SIM1: variants seen among roughly 807,000 people sequenced by gnomAD.
The protein encoded by SIM1 is single-minded homolog 1.
A neutral mutation model predicts 78.2 loss-of-function variants in SIM1; 18 were observed. The observed-to-expected ratio is 0.23, with a 90% CI of 0.16 to 0.34. The LOEUF is 0.34. Ranked by LOEUF, SIM1 falls within the 10% of genes least tolerant of loss-of-function variation. The pLI, the probability that SIM1 is intolerant of heterozygous loss-of-function variation, is 1.00. For missense variants in SIM1, 939 were observed against 975.1 expected, an observed-to-expected ratio of 0.96 and a Z score of 0.49; for synonymous variants, 417 against 385.2, an observed-to-expected ratio of 1.08 and a Z score of -0.97.
rs185639683 is a variant in SIM1, at chr6:100,409,018, G to A, written c.1167+11772C>T. Among the ~76,000 whole-genome samples the A allele has an allele frequency of 6.6e-5, 10 of 152,222 alleles. No individual in the cohort carries two copies. In the East Asian group the frequency reaches 1.7e-3, roughly 26 times the overall value. ...TAAGTGTTTGGTAGAATTCACCAGCGAAGTCATCTGATATTAGACTTTGTT... is the reference window on the plus strand; with the variant it reads ...TAAGTGTTTGGTAGAATTCACCAGCAAAGTCATCTGATATTAGACTTTGTT... On this transcript the variant is annotated intron_variant, in intron 10 of 11. Transcript: ENST00000369208.
rs150085955 is a variant in SIM1, at chr6:100,449,658, C to T, written c.390G>A (p.Pro130=). 3.3e-4 allele frequency: 539 copies of T among 1,614,026 alleles called. No individual in the cohort carries two copies. Among genetic ancestry groups the T allele is most frequent in the Non-Finnish European group, 4.1e-4 (487 of 1,180,036 alleles). ...TGNSIYEYIH[P]ADHDEMTAVL... ...CCGCCGTCATCTCGTCGTGGTCTGCCGGGTGAATGTATTCATAAATGCTGT... is the reference window on the plus strand; with the variant it reads ...CCGCCGTCATCTCGTCGTGGTCTGCTGGGTGAATGTATTCATAAATGCTGT... Residue 130 remains proline, a synonymous_variant, in exon 5 of 12, where the codon CCG becomes CCA. Transcript: ENST00000369208.
Position 100,463,555 on chromosome 6 carries a change from T to G in SIM1, c.-87A>C. On this transcript the variant is annotated 5_prime_UTR_variant, in exon 2 of 12. Coordinates refer to ENST00000369208, the MANE Select transcript of SIM1 (RefSeq NM_005068.3). ...ATAAACTTTCAATTAGAGATCATATTTGGCAAAAACATAAAACATACTTTG... is the reference window on the plus strand; with the variant it reads ...ATAAACTTTCAATTAGAGATCATATGTGGCAAAAACATAAAACATACTTTG... 1 of 1,309,810 alleles carries G rather than the reference T, an allele frequency of 7.6e-7. No homozygotes were observed. The highest frequency in any genetic ancestry group is 1.1e-6 in the Non-Finnish European group (1 of 942,228). The allele number at this position is 1,309,810 out of a possible 1,614,324, so 81.1% of individuals were successfully genotyped here.
Position 100,387,712 on chromosome 6 carries a change from A to AC in SIM1, c.*2648_*2649insG, listed in dbSNP as rs1770546900. Reference sequence around the variant, plus strand: ...TAGTTAATTCTGTATTCTCTTAAAAATATTGGTCATGTCATTTTAAAGAGC... The same window carrying AC: ...TAGTTAATTCTGTATTCTCTTAAAAACTATTGGTCATGTCATTTTAAAGAGC... On this transcript the variant is annotated 3_prime_UTR_variant, in exon 12 of 12. Transcript: ENST00000369208. 1 of 152,120 alleles carries AC rather than the reference A, an allele frequency of 6.6e-6. No homozygotes were observed. Among genetic ancestry groups the AC allele is most frequent in the Non-Finnish European group, 1.5e-5 (1 of 67,962 alleles). 9.4% of individuals were successfully genotyped at this position (152,120 alleles called of 1,614,324 possible). A position where few individuals can be genotyped will look rare whatever the true frequency, so the allele number is the denominator to read the frequency against.
chr6:100,425,419 A>G (rs549203844), intron 9 of SIM1, among the ~76,000 whole-genome samples: 6 of 152,288 alleles, frequency 3.9e-5, no homozygotes, highest in Middle Eastern at 3.4e-3. Flanking sequence ...AAGTTAGCAA[A>G]TGGGGACCTT....
chr6:100,428,537 CAATA>C (rs1771796102), intron 9 of SIM1, among the ~76,000 whole-genome samples: 1 of 151,964 alleles, frequency 6.6e-6, no homozygotes, highest in East Asian at 1.9e-4. Context: ...TTTTAAATGA[CAATA>C]AATCCAAATG....
intron 9 of SIM1, among the ~76,000 whole-genome samples, chr6:100,430,179 TG>T (rs1771865481): frequency 6.6e-6 from 1 of 152,262 alleles, no homozygotes; most frequent in South Asian, 2.1e-4. Context: ...AACCCTAATG[TG>T]GGGGCCACAT....
At chr6:100,418,142 C>T (rs544348868) in intron 10 of SIM1, among the ~76,000 whole-genome samples, 5 of 152,012 alleles carry the variant, frequency 3.3e-5, no homozygotes, top group African/African-American at 1.2e-4. Context: ...GAGTTCAAGA[C>T]CAGCCTGAGC....
At chr6:100,462,581 A>G (rs1772883514) in intron 2 of SIM1, 1 of 152,174 alleles carries the variant, frequency 6.6e-6, no homozygotes, top group Admixed American at 6.5e-5. Context: ...CTATTTGCCA[A>G]CCTGCCACCC....
chr6:100,435,908 T>A (rs1772033574), intron 9 of SIM1, among the ~76,000 whole-genome samples: 1 of 152,040 alleles, frequency 6.6e-6, no homozygotes, highest in African/African-American at 2.4e-5. Flanking sequence ...CCACCCTGGG[T>A]AACGTCCTTG....
chr6:100,415,217 G>A (rs933644005), intron 10 of SIM1, among the ~76,000 whole-genome samples: 2 of 152,152 alleles, frequency 1.3e-5, no homozygotes, highest in Non-Finnish European at 2.9e-5. Context: ...TTGACATGAC[G>A]AAACCATGGC....
At chr6:100,436,025 C>G (rs1288915929) in intron 9 of SIM1, among the ~76,000 whole-genome samples, 1 of 151,984 alleles carries the variant, frequency 6.6e-6, no homozygotes, top group Non-Finnish European at 1.5e-5. Context: ...CACACACACC[C>G]CTCCCAAGGT....
chr6:100,429,064 A>G (rs1771820428), intron 9 of SIM1, among the ~76,000 whole-genome samples: 1 of 152,124 alleles, frequency 6.6e-6, no homozygotes, highest in Non-Finnish European at 1.5e-5. Flanking sequence ...AATTAGAAAT[A>G]AGTATCAAGA....
At chr6:100,411,626 A>G (rs1279400547) in intron 10 of SIM1, among the ~76,000 whole-genome samples, 2 of 151,984 alleles carry the variant, frequency 1.3e-5, no homozygotes, top group Non-Finnish European at 2.9e-5. Flanking sequence ...CATTCATTCC[A>G]TTATCATTTA....
chr6:100,450,471 C>CAGGATCTGCAGGACCATG, intron 3 of SIM1, 115 bp from the exon 4 acceptor site: 1 of 833,056 alleles, frequency 1.2e-6, no homozygotes, highest in East Asian at 2.5e-5. Flanking sequence ...TGGAGTGGAG[C>CAGGATCTGCAGGACCATG]AGGTTTGGCA....
At chr6:100,437,544 A>AT in intron 9 of SIM1, 1 of 151,992 alleles carries the variant, frequency 6.6e-6, no homozygotes, top group Middle Eastern at 3.4e-3. Flanking sequence ...AAAAAAAAAA[A>AT]TTTTAAATGG....
At chr6:100,417,582 A>G (rs751410265) in intron 10 of SIM1, among the ~76,000 whole-genome samples, 1 of 152,168 alleles carries the variant, frequency 6.6e-6, no homozygotes, top group East Asian at 1.9e-4. Context: ...AAGCTAATTT[A>G]AAAAAAATTT....
At chr6:100,444,033 T>A (rs183905897) in intron 9 of SIM1, among the ~76,000 whole-genome samples, 1 of 152,104 alleles carries the variant, frequency 6.6e-6, no homozygotes, top group South Asian at 2.1e-4. Context: ...TAAAAATACA[T>A]GTAGTCTGAA....
chr6:100,462,824 C>A (rs1772888737), intron 2 of SIM1: 1 of 152,648 alleles, frequency 6.6e-6, no homozygotes, highest in Non-Finnish European at 1.5e-5. Flanking sequence ...TACTCATTTG[C>A]AAATCTTTAG....
At chr6:100,423,090 C>G (rs1439641538) in intron 9 of SIM1, among the ~76,000 whole-genome samples, 1 of 152,232 alleles carries the variant, frequency 6.6e-6, no homozygotes, top group Non-Finnish European at 1.5e-5. Context: ...GATCTCATCA[C>G]TGGTCTACTT....
Sources: allele counts gnomAD v4.1 joint callset (sites outside exome capture counted in the v4.1 genomes callset), GRCh38; gene constraint gnomAD v4.1.1; transcripts MANE v1.5; gene names NCBI Gene and HGNC (gene_info 2026-07-23, HGNC 2026-07-21).